The following DTNA variants were observed in gnomAD, a reference collection of about 807,000 sequenced individuals.
DTNA encodes the protein dystrophin-related protein 3.
A neutral mutation model predicts 100.7 loss-of-function variants in DTNA; 43 were observed. The observed-to-expected ratio is 0.43, with a 90% CI of 0.33 to 0.55. DTNA has a LOEUF of 0.55. Ranked by LOEUF, DTNA falls within the 20% of genes least tolerant of loss-of-function variation. The pLI, the probability that DTNA is intolerant of heterozygous loss-of-function variation, is 0.04. For missense variants in DTNA, 798 were observed against 953.9 expected, an observed-to-expected ratio of 0.84 and a Z score of 2.15; for synonymous variants, 349 against 347.9, an observed-to-expected ratio of 1.00 and a Z score of -0.04.
chr18:34,711,067 G>T (rs972422740), intron 1 of DTNA, among the ~76,000 whole-genome samples: 1 of 152,104 alleles, frequency 6.6e-6, no homozygotes, highest in African/African-American at 2.4e-5. Context: ...CTGTATGTGT[G>T]ATACAGGATT....
At chr18:34,497,940 A>G (rs2039438403) in intron 1 of DTNA, among the ~76,000 whole-genome samples, 1 of 152,202 alleles carries the variant, frequency 6.6e-6, no homozygotes, top group African/African-American at 2.4e-5. Flanking sequence ...TCAAATGATC[A>G]GGAAAATATC....
chr18:34,825,231 C>T (rs917772781), intron 9 of DTNA: 13 of 1,612,836 alleles, frequency 8.1e-6, no homozygotes, highest in East Asian at 4.5e-5. Context: ...CCATGATTAA[C>T]GGTCTCTATT....
intron 1 of DTNA, among the ~76,000 whole-genome samples, chr18:34,564,923 G>A (rs12971214): frequency 0.1 from 15,370 of 152,130 alleles, 1,137 homozygotes; most frequent in African/African-American, 0.2. Flanking sequence ...AAGCTTTTAT[G>A]TCTTAAAAAT....
In DTNA at chr18:34,890,145, C is replaced by T; in HGVS notation, c.*2411C>T. On this transcript the variant is annotated 3_prime_UTR_variant, in exon 23 of 23. Transcript: ENST00000444659. The stretch of plus-strand genomic sequence containing the variant: ...ATGTTCGTCTAAGATTTGAACTGTT[C>T]TGCTGATAACCTTCCCCGTTGTCAT... The T allele has an allele frequency of 3.5e-6, 5 of 1,429,382 alleles. No individual in the cohort carries two copies. The highest frequency in any genetic ancestry group is 4.6e-6 in the Non-Finnish European group (5 of 1,097,668). 88.5% of individuals were successfully genotyped at this position (1,429,382 alleles called of 1,614,324 possible).
At chr18:34,573,511 T>C (rs898893315) in intron 1 of DTNA, among the ~76,000 whole-genome samples, 1 of 152,238 alleles carries the variant, frequency 6.6e-6, no homozygotes, top group African/African-American at 2.4e-5. Flanking sequence ...CTATATGCTA[T>C]AACCATTAAT....
At chr18:34,671,932 C>T (rs536806545) in intron 1 of DTNA, among the ~76,000 whole-genome samples, 1 of 152,318 alleles carries the variant, frequency 6.6e-6, no homozygotes, top group African/African-American at 2.4e-5. Flanking sequence ...TTTCAATACA[C>T]TCTATGGTAT....
chr18:34,810,836 C>T (rs2095472128), intron 5 of DTNA, among the ~76,000 whole-genome samples: 1 of 152,128 alleles, frequency 6.6e-6, no homozygotes. Flanking sequence ...TTTTTTTACT[C>T]AGATAGAATC....
At position 34,879,469 on chromosome 18, in the gene DTNA, AT is replaced by A. The variant is rs1401524623; in HGVS notation, c.1994-79del. On this transcript the variant is annotated intron_variant, in intron 19 of 22. Transcript: ENST00000444659. The stretch of plus-strand genomic sequence containing the variant: ...TTAACATTTTACACAGCACAGGTTG[AT>A]TTGTGAAGCCTACTCCTTTATTTGC... 81 of 1,409,880 alleles carry A rather than the reference AT, an allele frequency of 5.7e-5. 1 individual carries two copies. The Middle Eastern group carries it at 2.5e-3, about 44-fold the overall frequency. 87.3% of individuals were successfully genotyped at this position (1,409,880 alleles called of 1,614,324 possible).
At chr18:34,579,920 C>T (rs377106254) in intron 1 of DTNA, among the ~76,000 whole-genome samples, 29 of 152,190 alleles carry the variant, frequency 1.9e-4, no homozygotes, top group African/African-American at 5.3e-4. Flanking sequence ...ATTTTCTCCC[C>T]GCTACTTTTC....
At chr18:34,577,598 C>T (rs1598700842) in intron 1 of DTNA, among the ~76,000 whole-genome samples, 1 of 152,136 alleles carries the variant, frequency 6.6e-6, no homozygotes, top group South Asian at 2.1e-4. Flanking sequence ...TCCACCCTTC[C>T]CTGGTGAGTC....
intron 1 of DTNA, among the ~76,000 whole-genome samples, chr18:34,506,814 A>G (rs141165894): frequency 1.3e-5 from 2 of 152,236 alleles, no homozygotes; most frequent in East Asian, 1.9e-4. Flanking sequence ...GTGTCTTTGT[A>G]TGTTTATTTA....
In DTNA at chr18:34,554,187, G is replaced by A. The variant is rs1415638662; in HGVS notation, c.-2+60673G>A. ...TGATTTGGCTCTCTGTCTGTTGTTG[G>A]TGTATAAGAATGCTTGTGATTTTTG... On this transcript the variant is annotated intron_variant, in intron 1 of 19. Transcript: ENST00000283365. Among the ~76,000 whole-genome samples, 5 of 132,102 alleles carry A rather than the reference G, an allele frequency of 3.8e-5. No individual in the cohort carries two copies. In the East Asian group the frequency reaches 8.0e-4, roughly 21 times the overall value. 86.7% of individuals were successfully genotyped at this position (132,102 alleles called of 152,430 possible). A position where few individuals can be genotyped will look rare whatever the true frequency, so the allele number is the denominator to read the frequency against.
chr18:34,846,937 G>A (rs989276743), intron 13 of DTNA, among the ~76,000 whole-genome samples: 3 of 152,228 alleles, frequency 2.0e-5, no homozygotes, highest in African/African-American at 7.2e-5. Flanking sequence ...GTATTTATGA[G>A]TTAATTTCTT....
chr18:34,790,562 T>C (rs1602072624), intron 3 of DTNA, among the ~76,000 whole-genome samples: 2 of 89,446 alleles, frequency 2.2e-5, no homozygotes, highest in East Asian at 5.4e-4. Flanking sequence ...TATATATATA[T>C]ATATATTTTT....
At chr18:34,597,095 G>A (rs1453850284) in intron 1 of DTNA, among the ~76,000 whole-genome samples, 4 of 152,036 alleles carry the variant, frequency 2.6e-5, no homozygotes, top group Non-Finnish European at 4.4e-5. Context: ...GAATGAGAAC[G>A]TGTGGTGTTC....
chr18:34,557,111 A>C (rs569827497), intron 1 of DTNA, among the ~76,000 whole-genome samples: 2 of 150,122 alleles, frequency 1.3e-5, no homozygotes, highest in African/African-American at 5.0e-5. Context: ...GCTTCATTTC[A>C]TTCATTTCAT....
At chr18:34,814,658 C>T (rs999154958) in intron 6 of DTNA, among the ~76,000 whole-genome samples, 38 of 151,858 alleles carry the variant, frequency 2.5e-4, no homozygotes, top group Admixed American at 1.4e-3. Flanking sequence ...TGCCACTGCA[C>T]TCCAGCCTGG....
intron 1 of DTNA, among the ~76,000 whole-genome samples, chr18:34,738,868 T>C (rs1183040629): frequency 1.3e-5 from 2 of 152,214 alleles, no homozygotes; most frequent in Non-Finnish European, 1.5e-5. Context: ...AAATCACTTT[T>C]GACAAGTTTT....
intron 1 of DTNA, among the ~76,000 whole-genome samples, chr18:34,670,350 C>G (rs2076572541): frequency 6.6e-6 from 1 of 152,140 alleles, no homozygotes; most frequent in Non-Finnish European, 1.5e-5. Context: ...TTTTTAACTT[C>G]TTTACAATGG....
Sources: gnomAD v4.1 joint callset for allele counts (sites outside exome capture counted in the v4.1 genomes callset) on GRCh38, gnomAD v4.1.1 for gene constraint, MANE v1.5 for transcripts, NCBI Gene and HGNC (gene_info 2026-07-23, HGNC 2026-07-21) for gene names.